The following ARHGAP22 variants were observed in gnomAD, a reference collection of about 807,000 sequenced individuals.
ARHGAP22 encodes Rho GTPase activating protein 22.
Under a neutral mutation model 59.1 loss-of-function variants are expected in ARHGAP22, and 48 were observed. The observed-to-expected ratio is 0.81, with a 90% CI of 0.64 to 1.03. ARHGAP22 has a LOEUF of 1.03. Among genes scored for constraint, ARHGAP22 ranks in the 50% least tolerant of loss-of-function variants. ARHGAP22 has a pLI of 0.00. For synonymous variants in ARHGAP22, 445 were observed against 416.4 expected, an observed-to-expected ratio of 1.07 and a Z score of -0.84; for missense variants, 1,015 against 958.7, an observed-to-expected ratio of 1.06 and a Z score of -0.78.
At chr10:48,464,043 AC>A (rs1336214706) in intron 4 of ARHGAP22, among the ~76,000 whole-genome samples, 3 of 151,786 alleles carry the variant, frequency 2.0e-5, no homozygotes, top group Non-Finnish European at 2.9e-5. Flanking sequence ...CCCATCTCCT[AC>A]CCCCAAAACT....
the ARHGAP22 span, chr10:48,435,136 A>C: frequency 1.1e-6 from 1 of 872,914 alleles, no homozygotes; most frequent in Non-Finnish European, 1.7e-6. Context: ...TTTTCAAAAA[A>C]TGTAGAATTC....
intron 1 of ARHGAP22, among the ~76,000 whole-genome samples, chr10:48,602,662 C>T (rs1056692899): frequency 6.6e-6 from 1 of 152,188 alleles, no homozygotes; most frequent in African/African-American, 2.4e-5. Context: ...GGTTGAGTGT[C>T]CACCAGGTAC....
chr10:48,611,403 C>A (rs2060878462), intron 1 of ARHGAP22, among the ~76,000 whole-genome samples: 1 of 152,084 alleles, frequency 6.6e-6, no homozygotes, highest in Non-Finnish European at 1.5e-5. Flanking sequence ...CAAAAGCTGC[C>A]CCCCTTCCTA....
At chr10:48,525,887 C>T (rs1353155103) in intron 3 of ARHGAP22, among the ~76,000 whole-genome samples, 1 of 152,152 alleles carries the variant, frequency 6.6e-6, no homozygotes, top group Non-Finnish European at 1.5e-5. Context: ...ATAATGGCCT[C>T]ATTCTGTAAA....
At chr10:48,615,817 G>C (rs2061058988) in intron 1 of ARHGAP22, among the ~76,000 whole-genome samples, 1 of 152,046 alleles carries the variant, frequency 6.6e-6, no homozygotes, top group African/African-American at 2.4e-5. Flanking sequence ...AGACCAAATA[G>C]AAATTTAAGA....
In ARHGAP22 at chr10:48,583,043, C is replaced by G; in HGVS notation, c.144G>C (p.Arg48Ser). The G allele has an allele frequency of 3.1e-6, 5 of 1,614,274 alleles. No homozygotes were observed. Among genetic ancestry groups the G allele is most frequent in the Non-Finnish European group, 4.2e-6 (5 of 1,180,052 alleles). ...VLKAGWLKKQ[R>S]SIMKNWQQRW... ...GCTGCTGCCAGTTCTTCATGATGCTCCTCTGCTTCTTCAGCCAGCCCGCCT... is the reference window on the plus strand; with the variant it reads ...GCTGCTGCCAGTTCTTCATGATGCTGCTCTGCTTCTTCAGCCAGCCCGCCT... The change falls in exon 2 of 10, where the codon AGG becomes AGC. Residue 48 changes from arginine (R) to serine (S), a missense_variant. Transcript: ENST00000249601.
exon 1 of ARHGAP22, chr10:48,652,394 C>T: frequency 2.2e-6 from 2 of 890,608 alleles, no homozygotes; most frequent in Non-Finnish European, 3.5e-6. Flanking sequence ...AGGAGATCCA[C>T]ATCTATAGAA....
downstream of ARHGAP22, chr10:48,443,834 A>C (rs1410100204): frequency 1.3e-5 from 2 of 152,142 alleles, no homozygotes; most frequent in African/African-American, 2.4e-5. Context: ...AAGACAAGGA[A>C]TCTTCCTTTT....
intron 5 of ARHGAP22, among the ~76,000 whole-genome samples, chr10:48,455,443 C>A (rs1293964637): frequency 1.3e-5 from 2 of 152,214 alleles, no homozygotes; most frequent in Admixed American, 6.5e-5. Flanking sequence ...CCGTCCAGAA[C>A]CTGTCCTGCG....
At chr10:48,431,261 T>G in the ARHGAP22 span, 7 of 1,610,132 alleles carry the variant, frequency 4.3e-6, no homozygotes, top group South Asian at 7.7e-5. Context: ...GGGGCAGCCC[T>G]CTCCTTTAGG....
intron 2 of ARHGAP22, 183 bp downstream of exon 2, chr10:48,582,770 T>G: frequency 1.5e-6 from 1 of 652,696 alleles, no homozygotes; most frequent in South Asian, 2.0e-5. Flanking sequence ...CATGTTCCAG[T>G]AAAACAGGCT....
At chr10:48,494,683 G>A (rs2050746401) in intron 3 of ARHGAP22, among the ~76,000 whole-genome samples, 1 of 152,136 alleles carries the variant, frequency 6.6e-6, no homozygotes, top group African/African-American at 2.4e-5. Context: ...AAGAAAAGCA[G>A]CCCCTTAAGG....
At chr10:48,603,846 C>T (rs1235095611) in intron 1 of ARHGAP22, among the ~76,000 whole-genome samples, 1 of 152,206 alleles carries the variant, frequency 6.6e-6, no homozygotes, top group East Asian at 1.9e-4. Context: ...CCTGTGAATC[C>T]ACAGGAGGCT....
chr10:48,633,644 G>T (rs2061704242), intron 1 of ARHGAP22, among the ~76,000 whole-genome samples: 1 of 151,958 alleles, frequency 6.6e-6, no homozygotes, highest in South Asian at 2.1e-4. Context: ...GGTAGAACCT[G>T]GATCCACACC....
intron 1 of ARHGAP22, among the ~76,000 whole-genome samples, chr10:48,616,242 G>A (rs1016883253): frequency 6.6e-6 from 1 of 152,132 alleles, no homozygotes; most frequent in African/African-American, 2.4e-5. Flanking sequence ...TATGCTTAAC[G>A]GACTACAATA....
chr10:48,563,369 A>G (rs2135412588), intron 2 of ARHGAP22, among the ~76,000 whole-genome samples: 1 of 151,750 alleles, frequency 6.6e-6, no homozygotes, highest in Middle Eastern at 3.4e-3. Context: ...AATTTTTTGT[A>G]TTTTTAGTGG....
chr10:48,451,472 T>C lies in ARHGAP22; in HGVS notation c.989-332A>G, dbSNP rs2045944490. 7.1e-6 allele frequency: 5 copies of C among 702,544 alleles called. No individual in the cohort carries two copies. The East Asian group carries it at 1.3e-4, about 19-fold the overall frequency. 43.5% of individuals were successfully genotyped at this position (702,544 alleles called of 1,614,324 possible). The stretch of plus-strand genomic sequence containing the variant: ...CGGTGAGCAGGTGGCAGGTTGGAAC[T>C]GGAACCTGGGACCTGAGATGCCAGA... On this transcript the variant is annotated intron_variant, in intron 8 of 9. Transcript: ENST00000249601.
At chr10:48,644,200 A>G (rs2062192426) in intron 1 of ARHGAP22, among the ~76,000 whole-genome samples, 3 of 152,226 alleles carry the variant, frequency 2.0e-5, no homozygotes, top group South Asian at 4.1e-4. Context: ...AGGAATATTT[A>G]ACAATGAAAA....
chr10:48,576,922 C>A (rs2058751367), intron 2 of ARHGAP22, among the ~76,000 whole-genome samples: 1 of 151,330 alleles, frequency 6.6e-6, no homozygotes, highest in African/African-American at 2.4e-5. Context: ...CACCGCCACC[C>A]ACCGCCACCC....
Sources: allele counts gnomAD v4.1 joint callset (sites outside exome capture counted in the v4.1 genomes callset), GRCh38; gene constraint gnomAD v4.1.1; transcripts MANE v1.5; gene names NCBI Gene and HGNC (gene_info 2026-07-23, HGNC 2026-07-21).